The following OASL variants were observed in gnomAD, a reference collection of about 807,000 sequenced individuals.
OASL encodes 2'-5'-oligoadenylate synthetase like, also known as 2'-5'-oligoadenylate synthase-like protein.
OASL carries 28 observed loss-of-function variants against 35.3 expected under a neutral mutation model. That is an observed-to-expected ratio of 0.79 (90% CI 0.59 to 1.09). The LOEUF is 1.09. Ranked by LOEUF, OASL falls within the 50% of genes least tolerant of loss-of-function variation. The pLI is 0.00. For synonymous variants in OASL, 252 were observed against 254.6 expected (o/e 0.99, Z 0.10); for missense variants, 620 against 635.2 (o/e 0.98, Z 0.26).
intron 2 of OASL, among the ~76,000 whole-genome samples, chr12:121,032,617 C>T (rs572616514): frequency 2.6e-5 from 4 of 152,286 alleles, no homozygotes; most frequent in South Asian, 2.1e-4. Context: ...TGCCCATGGA[C>T]GCACGTTGTA....
At chr12:121,030,230 A>T (rs1383000607) in intron 3 of OASL, among the ~76,000 whole-genome samples, 1 of 151,992 alleles carries the variant, frequency 6.6e-6, no homozygotes, top group Non-Finnish European at 1.5e-5. Context: ...TTTGAGACAG[A>T]GTCTTGCTCT....
At chr12:121,027,134 C>T (rs1869520097) in intron 4 of OASL, among the ~76,000 whole-genome samples, 1 of 152,204 alleles carries the variant, frequency 6.6e-6, no homozygotes, top group Admixed American at 6.5e-5. Context: ...GGATCCTTAA[C>T]ACAGATTTTC....
intron 2 of OASL, among the ~76,000 whole-genome samples, chr12:121,032,520 G>A (rs377561567): frequency 1.3e-5 from 2 of 152,110 alleles, no homozygotes; most frequent in South Asian, 2.1e-4. Context: ...GAGTAAGCAC[G>A]CCAGCGTCCC....
At chr12:121,037,778 A>C (rs955725434) in intron 1 of OASL, among the ~76,000 whole-genome samples, 13 of 149,878 alleles carry the variant, frequency 8.7e-5, no homozygotes, top group East Asian at 4.0e-4. Flanking sequence ...CTCAAAAAAA[A>C]AAAAACAAAA....
chr12:121,031,120 C>T (rs1869711871), intron 3 of OASL, among the ~76,000 whole-genome samples: 1 of 151,726 alleles, frequency 6.6e-6, no homozygotes, highest in Admixed American at 6.6e-5. Flanking sequence ...CACCACCGCA[C>T]TACAGCCTGG....
chr12:121,022,599 G>A (rs573620004), intron 5 of OASL, among the ~76,000 whole-genome samples: 5 of 152,264 alleles, frequency 3.3e-5, no homozygotes, highest in Non-Finnish European at 5.9e-5. Context: ...TTTGGCCAGC[G>A]GGTCCCCCCG....
At chr12:121,020,608 G>C (rs141382451) in exon 6 of OASL, 2 of 1,612,596 alleles carry the variant, frequency 1.2e-6, no homozygotes, top group South Asian at 2.2e-5. Flanking sequence ...GAGAGGATGA[G>C]AGTGTCACTG....
Position 121,037,200 on chromosome 12 carries a change from G to A in OASL, c.198+1574C>T, listed in dbSNP as rs760937872. 2.0e-5 allele frequency among the ~76,000 whole-genome samples: 3 copies of A among 152,074 alleles called. 1 individual carries two copies. The highest frequency in any genetic ancestry group is 7.2e-5 in the African/African-American group (3 of 41,410). On this transcript the variant is annotated intron_variant, in intron 1 of 5. Coordinates refer to ENST00000257570, the Ensembl canonical transcript of OASL. ...CTAGTCTTGCCTTTGCCACCAACTC[G>A]CTGTGTGACCTTGGGGTATCTCTCA... is the stretch of plus-strand genomic sequence containing the variant.
At position 121,029,267 on chromosome 12, in the gene OASL, A is replaced by C. The variant is rs999405756; in HGVS notation, c.658-1450T>G. On this transcript the variant is annotated intron_variant, in intron 3 of 5. Transcript: ENST00000257570. ...AGCTATAACACTTTGGCCTTGAAAC[A>C]AACACAGAATCATCTTGTATAATTC... 2.0e-5 allele frequency among the ~76,000 whole-genome samples: 3 copies of C among 152,266 alleles called. No individual in the cohort carries two copies. The East Asian group carries it at 5.8e-4, about 29-fold the overall frequency.
intron 4 of OASL, among the ~76,000 whole-genome samples, chr12:121,024,863 T>C (rs769730014): frequency 1.3e-5 from 2 of 152,132 alleles, no homozygotes; most frequent in Non-Finnish European, 2.9e-5. Context: ...GGCCAAATCC[T>C]ATGCAGATTA....
intron 1 of OASL, among the ~76,000 whole-genome samples, chr12:121,036,161 C>T (rs1031396274): frequency 1.4e-4 from 21 of 152,154 alleles, no homozygotes; most frequent in African/African-American, 4.6e-4. Context: ...CTGTGCCTGG[C>T]GTAGACTTCC....
At chr12:121,033,874 A>G in intron 1 of OASL, 131 bp from the exon 2 acceptor site, 1 of 879,586 alleles carries the variant, frequency 1.1e-6, no homozygotes, top group East Asian at 2.5e-5. Flanking sequence ...TAGTACTAAT[A>G]CCCACACTTT....
At chr12:121,022,512 C>G (rs1869288237) in intron 5 of OASL, among the ~76,000 whole-genome samples, 1 of 152,200 alleles carries the variant, frequency 6.6e-6, no homozygotes, top group South Asian at 2.1e-4. Flanking sequence ...GCGCCACTGC[C>G]CCCAGCCTAC....
chr12:121,027,722 G>A (rs771466774), exon 4 of OASL: 45 of 1,613,966 alleles, frequency 2.8e-5, no homozygotes, highest in African/African-American at 4.0e-5. Flanking sequence ...TGAAATTCTC[G>A]TCTTCTTCAG....
exon 1 of OASL, chr12:121,039,142 C>A: frequency 1.6e-6 from 1 of 614,936 alleles, no homozygotes; most frequent in Non-Finnish European, 2.9e-6. Context: ...GACTCCAGGT[C>A]CCCCTTCTTG....
At chr12:121,033,856 G>A (rs750924753) in intron 1 of OASL, 113 bp from the exon 2 acceptor site, 391 of 1,116,836 alleles carry the variant, frequency 3.5e-4, no homozygotes, top group Non-Finnish European at 4.9e-4. Context: ...TGAGGGATGG[G>A]TTGTGGGTAG....
At chr12:121,023,938 T>C (rs1869365568) in intron 5 of OASL, 52 bp downstream of exon 5, 2 of 1,604,036 alleles carry the variant, frequency 1.2e-6, no homozygotes, top group Non-Finnish European at 1.7e-6. Flanking sequence ...CTGAGTAGTT[T>C]ATCTGTCGTT....
intron 2 of OASL, 46 bp downstream of exon 2, chr12:121,033,415 T>A: frequency 6.3e-7 from 1 of 1,587,632 alleles, no homozygotes; most frequent in Non-Finnish European, 8.6e-7. Flanking sequence ...GGAAGTCTCC[T>A]GGGGTGGGCA....
chr12:121,027,656 G>A (rs774679564), exon 4 of OASL: 2 of 1,614,182 alleles, frequency 1.2e-6, no homozygotes, highest in South Asian at 1.1e-5. Context: ...AGTAGATACA[G>A]ATGACTTCAT....
Sources: gnomAD v4.1 joint callset for allele counts (sites outside exome capture counted in the v4.1 genomes callset) on GRCh38, gnomAD v4.1.1 for gene constraint, MANE v1.5 for transcripts, NCBI Gene and HGNC (gene_info 2026-07-23, HGNC 2026-07-21) for gene names.